The following AOPEP variants were observed in gnomAD, a reference collection of about 807,000 sequenced individuals.
The protein encoded by AOPEP is aminopeptidase O.
In AOPEP, 77 loss-of-function variants were observed where a neutral mutation model predicts 98.1. The observed-to-expected ratio is 0.78, with a 90% CI of 0.65 to 0.95. The LOEUF (loss-of-function observed/expected upper bound fraction) is 0.95. Among genes scored for constraint, AOPEP ranks in the 40% least tolerant of loss-of-function variants. The probability of loss-of-function intolerance (pLI) is 0.00; values close to 1 mark genes in which losing one functional copy is unlikely to be tolerated. For missense variants in AOPEP, 1,024 were observed against 1,024.7 expected, an observed-to-expected ratio of 1.00 and a Z score of 0.01; for synonymous variants, 346 against 365.3, an observed-to-expected ratio of 0.95 and a Z score of 0.60.
chr9:95,114,579 T>C, the AOPEP span: 1 of 1,515,320 alleles, frequency 6.6e-7, no homozygotes, highest in Middle Eastern at 1.7e-4. Flanking sequence ...GATGAGGATC[T>C]AGGGAAACCA....
At chr9:95,088,947 T>C (rs1279983792), downstream of AOPEP, among the ~76,000 whole-genome samples, 4 of 152,226 alleles carry the variant, frequency 2.6e-5, no homozygotes, top group Non-Finnish European at 4.4e-5. Flanking sequence ...CGGCCTTTGC[T>C]GCCTCCAGAC....
the AOPEP span, among the ~76,000 whole-genome samples, chr9:95,132,771 C>A: frequency 6.6e-6 from 1 of 152,292 alleles, no homozygotes; most frequent in South Asian, 2.1e-4. Context: ...AAATATCAGA[C>A]CTGCGAGTCC....
At chr9:94,935,668 A>G (rs922335478) in intron 7 of AOPEP, among the ~76,000 whole-genome samples, 1 of 152,152 alleles carries the variant, frequency 6.6e-6, no homozygotes, top group African/African-American at 2.4e-5. Context: ...CCCTCTGACG[A>G]AGAGTCGCAG....
intron 5 of AOPEP, among the ~76,000 whole-genome samples, chr9:94,899,312 G>A (rs1008321419): frequency 2.0e-5 from 3 of 147,948 alleles, no homozygotes; most frequent in Non-Finnish European, 4.5e-5. Context: ...AGCCTCCGGA[G>A]TAGCTGGGAC....
chr9:94,739,005 C>G lies in AOPEP; in HGVS notation c.-136+12254C>G, dbSNP rs72747020. Among the ~76,000 whole-genome samples, 710 of 152,354 alleles carry G rather than the reference C, an allele frequency of 4.7e-3. 9 individuals carry two copies. The highest frequency in any genetic ancestry group is 0.041 in the South Asian group (200 of 4,822). On this transcript the variant is annotated intron_variant, in intron 1 of 16. Transcript: ENST00000375315. ...AGTGTCTATTAAGCATGAATTCATA[C>G]TGGTCAGTCTAGGAGCAAGAATGCC...
the AOPEP span, among the ~76,000 whole-genome samples, chr9:95,120,313 T>C: frequency 6.6e-6 from 1 of 152,232 alleles, no homozygotes; most frequent in Non-Finnish European, 1.5e-5. Flanking sequence ...CAAAAATCAG[T>C]TGGCCACATA....
chr9:94,834,739 A>C (rs942919402), intron 5 of AOPEP, among the ~76,000 whole-genome samples: 8 of 152,114 alleles, frequency 5.3e-5, no homozygotes, highest in Non-Finnish European at 8.8e-5. Context: ...GCTGCAGTGA[A>C]CAGAGATTGC....
At chr9:95,114,745 G>T in the AOPEP span, 6 of 1,589,758 alleles carry the variant, frequency 3.8e-6, no homozygotes, top group Non-Finnish European at 5.2e-6. Flanking sequence ...GAGGGCAACT[G>T]AGGAAATGTC....
chr9:95,058,543 T>C (rs1274529311), intron 13 of AOPEP, among the ~76,000 whole-genome samples: 1 of 152,216 alleles, frequency 6.6e-6, no homozygotes, highest in Non-Finnish European at 1.5e-5. Context: ...TGCCTTTGTC[T>C]GGAGGGGCCT....
At chr9:95,130,608 G>A in the AOPEP span, among the ~76,000 whole-genome samples, 9 of 152,230 alleles carry the variant, frequency 5.9e-5, no homozygotes, top group East Asian at 1.5e-3. Context: ...TATTTACTTA[G>A]GAAATGGGTC....
chr9:95,128,085 G>A, the AOPEP span, among the ~76,000 whole-genome samples: 1 of 152,178 alleles, frequency 6.6e-6, no homozygotes, highest in Non-Finnish European at 1.5e-5. Context: ...GAGAGGAGAG[G>A]CAGGTTATTT....
intron 5 of AOPEP, among the ~76,000 whole-genome samples, chr9:94,854,963 G>A (rs2043995242): frequency 6.6e-6 from 1 of 152,128 alleles, no homozygotes; most frequent in Non-Finnish European, 1.5e-5. Flanking sequence ...CATGTAACAA[G>A]CATGTATAAA....
At chr9:94,766,309 C>T (rs921652488) in intron 2 of AOPEP, among the ~76,000 whole-genome samples, 4 of 152,126 alleles carry the variant, frequency 2.6e-5, no homozygotes, top group Admixed American at 6.5e-5. Context: ...GAGGCCGAGG[C>T]GGGTGAATCA....
intron 13 of AOPEP, among the ~76,000 whole-genome samples, chr9:95,048,552 C>G (rs1213490505): frequency 2.6e-5 from 4 of 152,038 alleles, no homozygotes; most frequent in African/African-American, 9.7e-5. Context: ...CGACCACGGC[C>G]CACCCCTCCG....
the AOPEP span, among the ~76,000 whole-genome samples, chr9:95,098,813 T>A: frequency 6.6e-6 from 1 of 152,194 alleles, no homozygotes; most frequent in Non-Finnish European, 1.5e-5. Flanking sequence ...ATGAAACGCA[T>A]GTAACCTGAT....
intron 11 of AOPEP, chr9:95,004,337 T>C (rs2061766724): frequency 6.6e-6 from 3 of 455,414 alleles, no homozygotes; most frequent in Non-Finnish European, 1.3e-5. Flanking sequence ...CCCCTTCTTT[T>C]TAAATTCTAC....
At position 94,726,723 on chromosome 9, in the gene AOPEP, T is replaced by C. The variant is rs1587902847; in HGVS notation, c.-164T>C. 1 of 152,228 alleles carries C rather than the reference T, an allele frequency of 6.6e-6. No individual in the cohort carries two copies. Among genetic ancestry groups the C allele is most frequent in the Non-Finnish European group, 1.5e-5 (1 of 68,062 alleles). The allele number at this position is 152,228 out of a possible 1,614,324, so 9.4% of individuals were successfully genotyped here. ...CGTAGTAACCCCGAGTCTGCGGAAG[T>C]GGTGACCCGTGGGACGCGGCTGAGA... On this transcript the variant is annotated 5_prime_UTR_variant, in exon 1 of 17. Transcript: ENST00000375315.
rs531172576 is a variant in AOPEP, at chr9:94,875,697, G to A, written c.1365-48289G>A. Among the ~76,000 whole-genome samples the A allele has an allele frequency of 9.2e-5, 14 of 152,296 alleles. No homozygotes were observed. The South Asian group carries it at 1.7e-3, about 18-fold the overall frequency. On this transcript the variant is annotated intron_variant, in intron 5 of 16. Transcript: ENST00000375315. ...TCTAAGAACTGAAGTAGGTGAGTACGTATGCTTTCTCAGGCTAAATTTTAG... is the reference window on the plus strand; with the variant it reads ...TCTAAGAACTGAAGTAGGTGAGTACATATGCTTTCTCAGGCTAAATTTTAG...
At chr9:95,008,518 G>T (rs1201004537) in intron 13 of AOPEP, among the ~76,000 whole-genome samples, 1 of 152,174 alleles carries the variant, frequency 6.6e-6, no homozygotes, top group Non-Finnish European at 1.5e-5. Context: ...TGAGTAGTAG[G>T]CACAGTCTGA....
Sources: gnomAD v4.1 joint callset for allele counts (sites outside exome capture counted in the v4.1 genomes callset) on GRCh38, gnomAD v4.1.1 for gene constraint, MANE v1.5 for transcripts, NCBI Gene and HGNC (gene_info 2026-07-23, HGNC 2026-07-21) for gene names.